Variants in FUBP3 observed in about 807,000 individuals in gnomAD.
FUBP3 encodes far upstream element binding protein 3, also known as far upstream element-binding protein 3.
A neutral mutation model predicts 85.6 loss-of-function variants in FUBP3; 28 were observed. The ratio of observed to expected loss-of-function variants is 0.33; its 90% confidence interval spans 0.24 to 0.45. The LOEUF is 0.45. Ranked by LOEUF, FUBP3 falls within the 20% of genes least tolerant of loss-of-function variation. The pLI is 1.00. For synonymous variants in FUBP3, 271 were observed against 271.4 expected, an observed-to-expected ratio of 1.00 and a Z score of 0.01; for missense variants, 583 against 755.1, an observed-to-expected ratio of 0.77 and a Z score of 2.67.
In FUBP3 at chr9:130,630,732, A is replaced by AG; in HGVS notation, c.1228dup (p.Val410GlyfsTer14). On this transcript the variant is annotated frameshift_variant, in exon 13 of 19. Transcript: ENST00000319725. LOFTEE classifies it high-confidence loss of function. ...CCCCAACCTGCGGAGATTCACCATC[A>AG]GGGGGGTTCCCCAGCAGATCGAGGT... is the stretch of plus-strand genomic sequence containing the variant. 1 of 1,578,254 alleles carries AG rather than the reference A, an allele frequency of 6.3e-7. No individual in the cohort carries two copies. Among genetic ancestry groups the AG allele is most frequent in the Non-Finnish European group, 8.6e-7 (1 of 1,163,934 alleles).
Position 130,630,616 on chromosome 9 carries a change from TGCTGTCC to T in FUBP3, c.1118-9_1118-3del. The T allele has an allele frequency of 6.3e-7, 1 of 1,583,540 alleles. No homozygotes were observed. The highest frequency in any genetic ancestry group is 1.1e-5 in the South Asian group (1 of 88,430). On this transcript the variant is annotated splice_polypyrimidine_tract_variant and splice_region_variant and intron_variant, in intron 12 of 18. Coordinates refer to ENST00000319725, the MANE Select transcript of FUBP3 (RefSeq NM_003934.2). Reference sequence around the variant, plus strand: ...TCTGCTTACTCTTCTGCCTGTGTTGTGCTGTCCGCAGGGGGTGAGAACATCAAAAGCA... The same window carrying T: ...TCTGCTTACTCTTCTGCCTGTGTTGTGCAGGGGGTGAGAACATCAAAAGCA...
intron 2 of FUBP3, among the ~76,000 whole-genome samples, chr9:130,604,244 G>A (rs1249404644): frequency 1.3e-5 from 2 of 152,170 alleles, no homozygotes; most frequent in East Asian, 3.9e-4. Context: ...GGTCACCTAA[G>A]ATCACAGCTA....
Position 130,637,122 on chromosome 9 carries a change from T to C in FUBP3, c.*100T>C. 1 of 958,542 alleles carries C rather than the reference T, an allele frequency of 1.0e-6. No individual in the cohort carries two copies. The highest frequency in any genetic ancestry group is 1.7e-5 in the Admixed American group (1 of 58,130). 59.4% of individuals were successfully genotyped at this position (958,542 alleles called of 1,614,324 possible). On this transcript the variant is annotated 3_prime_UTR_variant, in exon 19 of 19. Transcript: ENST00000319725. ...ATTTGCAAACCTTTTGATGAAGAAC[T>C]GTTGTTTTGTTCTGTGAAACACTAT...
In FUBP3 at chr9:130,637,046, T is replaced by C; in HGVS notation, c.*24T>C. ...AGGACAGCGTCCTCGTGGCCAACTC[T>C]CCCCTCAAAATCATTGTCAAAGAAA... On this transcript the variant is annotated 3_prime_UTR_variant, in exon 19 of 19. Coordinates refer to ENST00000319725, the MANE Select transcript of FUBP3 (RefSeq NM_003934.2). 1 of 1,601,436 alleles carries C rather than the reference T, an allele frequency of 6.2e-7. No individual in the cohort carries two copies. The highest frequency in any genetic ancestry group is 8.6e-7 in the Non-Finnish European group (1 of 1,168,524).
At chr9:130,590,259 C>T (rs529137626) in intron 1 of FUBP3, among the ~76,000 whole-genome samples, 3 of 152,240 alleles carry the variant, frequency 2.0e-5, no homozygotes, top group Non-Finnish European at 4.4e-5. Context: ...TAGTTTGCCT[C>T]TGCATTTTAC....
At chr9:130,625,810 T>TA (rs1296759553) in intron 11 of FUBP3, among the ~76,000 whole-genome samples, 1 of 152,186 alleles carries the variant, frequency 6.6e-6, no homozygotes, top group Non-Finnish European at 1.5e-5. Flanking sequence ...TTGAACCTGT[T>TA]ACTGCTGCTG....
intron 6 of FUBP3, among the ~76,000 whole-genome samples, chr9:130,615,404 C>T (rs1435952143): frequency 6.6e-6 from 1 of 152,214 alleles, no homozygotes; most frequent in Non-Finnish European, 1.5e-5. Flanking sequence ...GGAGCAGAGG[C>T]AGTGGGATTA....
chr9:130,625,917 C>G (rs1260043196), intron 11 of FUBP3, among the ~76,000 whole-genome samples: 1 of 152,140 alleles, frequency 6.6e-6, no homozygotes, highest in Non-Finnish European at 1.5e-5. Flanking sequence ...TGACTCATAG[C>G]AGTGCCTGGT....
chr9:130,634,510 C>T, intron 16 of FUBP3, 157 bp from the exon 17 acceptor site: 5 of 611,432 alleles, frequency 8.2e-6, no homozygotes, highest in Non-Finnish European at 1.4e-5. Flanking sequence ...CTTCCCCCAG[C>T]CCTGCCAGCT....
intron 1 of FUBP3, among the ~76,000 whole-genome samples, chr9:130,590,995 TTTTGTTTTTG>T (rs1397537143): frequency 1.5e-5 from 2 of 136,892 alleles, no homozygotes; most frequent in Non-Finnish European, 3.1e-5. Flanking sequence ...CACTTTTTAT[TTTTGTTTTTG>T]TTTGTTTTTG....
chr9:130,601,208 G>C (rs1397147211), intron 2 of FUBP3, among the ~76,000 whole-genome samples: 1 of 152,132 alleles, frequency 6.6e-6, no homozygotes, highest in African/African-American at 2.4e-5. Flanking sequence ...AGTATATAGA[G>C]AGTACCCCTC....
intron 1 of FUBP3, among the ~76,000 whole-genome samples, chr9:130,583,891 T>A (rs991496884): frequency 8.5e-5 from 13 of 152,122 alleles, no homozygotes; most frequent in Admixed American, 6.5e-5. Flanking sequence ...AATGTGATAA[T>A]TTATCATATA....
rs1463649933 is a variant in FUBP3, at chr9:130,635,392, G to A, written c.1583-607G>A. Among the ~76,000 whole-genome samples the A allele has an allele frequency of 6.6e-6, 1 of 152,198 alleles. No homozygotes were observed. The highest frequency in any genetic ancestry group is 2.4e-5 in the African/African-American group (1 of 41,452). The stretch of plus-strand genomic sequence containing the variant: ...GGGCTTGTTTAAAGAGGTATCTCAC[G>A]TGCCTTGTGTTTGGAGGATGTTTCT... On this transcript the variant is annotated intron_variant, in intron 17 of 18. Transcript: ENST00000319725. The surrounding 1 kb of genome is among the most constrained non-coding windows in gnomAD (Gnocchi z 4.3).
In FUBP3 at chr9:130,637,143, A is replaced by G. The variant is rs1455329584; in HGVS notation, c.*121A>G. On this transcript the variant is annotated 3_prime_UTR_variant, in exon 19 of 19. Transcript: ENST00000319725. ...GAACTGTTGTTTTGTTCTGTGAAAC[A>G]CTATATTTAGATTAACGGAATTTTT... 6.2e-6 allele frequency: 5 copies of G among 804,106 alleles called. No individual in the cohort carries two copies. The highest frequency in any genetic ancestry group is 1.4e-5 in the South Asian group (1 of 69,818). 49.8% of individuals were successfully genotyped at this position (804,106 alleles called of 1,614,324 possible).
chr9:130,598,181 G>T (rs1830962702), intron 2 of FUBP3, among the ~76,000 whole-genome samples: 1 of 152,154 alleles, frequency 6.6e-6, no homozygotes, highest in Non-Finnish European at 1.5e-5. Flanking sequence ...CTCTTTATTA[G>T]TGCTAATTTC....
chr9:130,629,629 G>A (rs1478405263), intron 12 of FUBP3, among the ~76,000 whole-genome samples: 6 of 152,132 alleles, frequency 3.9e-5, no homozygotes, highest in Non-Finnish European at 5.9e-5. Context: ...GATTGTGGAC[G>A]GTGTCTTGGT....
At chr9:130,580,109 G>T (rs1199903318) in intron 1 of FUBP3, among the ~76,000 whole-genome samples, 1 of 152,336 alleles carries the variant, frequency 6.6e-6, no homozygotes, top group East Asian at 1.9e-4. Context: ...GGAAGCCCAC[G>T]GGGAGGATCT....
At chr9:130,589,545 T>C (rs138145213) in intron 1 of FUBP3, among the ~76,000 whole-genome samples, 5,176 of 150,954 alleles carry the variant, frequency 0.034, 119 homozygotes, top group Non-Finnish European at 0.052. Flanking sequence ...GGTTTCACCA[T>C]GTTGGCCAGG....
Position 130,609,943 on chromosome 9 carries a change from CTT to C in FUBP3, c.191-9_191-8del. ...GCTTTGATTTTTTTTTTCTCTTTCTCTTTGCCACAGTAGGTAACCAGTTAGGG... is the reference window on the plus strand; with the variant it reads ...GCTTTGATTTTTTTTTTCTCTTTCTCTGCCACAGTAGGTAACCAGTTAGGG... On this transcript the variant is annotated splice_polypyrimidine_tract_variant and intron_variant, in intron 2 of 18. Coordinates refer to ENST00000319725, the MANE Select transcript of FUBP3 (RefSeq NM_003934.2). 6.2e-7 allele frequency: 1 copy of C among 1,602,368 alleles called. No individual in the cohort carries two copies. Among genetic ancestry groups the C allele is most frequent in the Non-Finnish European group, 8.5e-7 (1 of 1,171,108 alleles).
Sources: gnomAD v4.1 joint callset for allele counts (sites outside exome capture counted in the v4.1 genomes callset) on GRCh38, gnomAD v4.1.1 for gene constraint, Gnocchi (gnomAD v3.1) non-coding constraint, MANE v1.5 for transcripts, NCBI Gene and HGNC (gene_info 2026-07-23, HGNC 2026-07-21) for gene names.